Variants in DACH1 observed in about 807,000 individuals in gnomAD.
DACH1 encodes dachshund homolog 1.
A neutral mutation model predicts 54.2 loss-of-function variants in DACH1; 12 were observed. The ratio of observed to expected loss-of-function variants is 0.22; its 90% CI spans 0.14 to 0.36. DACH1 has a LOEUF of 0.36. Among genes scored for constraint, DACH1 ranks in the 10% least tolerant of loss-of-function variants. The pLI is 1.00. For missense variants in DACH1, 805 were observed against 929.8 expected (o/e 0.87, Z 1.75); for synonymous variants, 386 against 366.2 (o/e 1.05, Z -0.62).
At chr13:71,569,100 A>G (rs1214232584) in intron 4 of DACH1, among the ~76,000 whole-genome samples, 2 of 152,128 alleles carry the variant, frequency 1.3e-5, no homozygotes, top group Non-Finnish European at 2.9e-5. Context: ...CCATAGTGGG[A>G]AAGTCTTCAT....
rs939888014 is a variant in DACH1 at position 71,851,795 on chromosome 13, G to A, written c.848+14127C>T. Among the ~76,000 whole-genome samples the A allele has an allele frequency of 2.6e-5, 4 of 152,142 alleles. No individual in the cohort carries two copies. In the East Asian group the frequency reaches 5.8e-4, roughly 22 times the overall value. Reference sequence around the variant, plus strand: ...ACAGTCCTGCCATCAAGCACATGTTGTTACTATATAAAGAATACAAATTCA... The same window carrying A: ...ACAGTCCTGCCATCAAGCACATGTTATTACTATATAAAGAATACAAATTCA... On this transcript the variant is annotated intron_variant, in intron 1 of 10. Coordinates refer to ENST00000613252, the MANE Select transcript of DACH1 (RefSeq NM_080759.6).
chr13:71,855,539 A>G (rs1873948006), intron 1 of DACH1, among the ~76,000 whole-genome samples: 1 of 152,056 alleles, frequency 6.6e-6, no homozygotes, highest in Non-Finnish European at 1.5e-5. Flanking sequence ...GCAAACTACT[A>G]CACACCTAAA....
Position 71,668,101 on chromosome 13 carries a change from C to T in DACH1, c.964+13694G>A, listed in dbSNP as rs113360439. Among the ~76,000 whole-genome samples, 10 of 151,928 alleles carry T rather than the reference C, an allele frequency of 6.6e-5. 1 individual carries two copies. Among genetic ancestry groups the T allele is most frequent in the African/African-American group, 1.7e-4 (7 of 41,512 alleles). On this transcript the variant is annotated intron_variant, in intron 2 of 10. Transcript: ENST00000613252. ...GAAAATAGATGTTTTAATAGGAAAA[C>T]GAATAGGTCCAAAACTTGACTTTTA...
chr13:71,564,730 T>C (rs919680935), intron 4 of DACH1, among the ~76,000 whole-genome samples: 4 of 152,170 alleles, frequency 2.6e-5, no homozygotes, highest in African/African-American at 7.2e-5. Context: ...AAATGTATTA[T>C]ATTTTATCAA....
chr13:71,546,139 G>A (rs1883450018), intron 6 of DACH1, among the ~76,000 whole-genome samples: 1 of 152,028 alleles, frequency 6.6e-6, no homozygotes, highest in Non-Finnish European at 1.5e-5. Context: ...GCTTTCTAAA[G>A]TTTATATTGC....
At chr13:71,852,160 A>G (rs573415526) in intron 1 of DACH1, among the ~76,000 whole-genome samples, 1 of 152,298 alleles carries the variant, frequency 6.6e-6, no homozygotes, top group African/African-American at 2.4e-5. Context: ...ATAGCAATCC[A>G]TCATCCTGCA....
intron 3 of DACH1, among the ~76,000 whole-genome samples, chr13:71,582,225 C>T (rs1219150441): frequency 6.6e-6 from 1 of 152,152 alleles, no homozygotes; most frequent in Non-Finnish European, 1.5e-5. Context: ...TAGTTTAATA[C>T]AAGTTACACA....
chr13:71,866,749 C>A lies in DACH1; in HGVS notation c.21G>T (p.Leu7Phe). 1 of 1,398,364 alleles carries A rather than the reference C, an allele frequency of 7.2e-7. No homozygotes were observed. The highest frequency in any genetic ancestry group is 1.9e-5 in the South Asian group (1 of 52,326). The allele number at this position is 1,398,364 out of a possible 1,614,324, so 86.6% of individuals were successfully genotyped here. The change falls in exon 1 of 11, where the codon TTG becomes TTT. Residue 7 changes from leucine (L) to phenylalanine (F), a missense_variant. Transcript: ENST00000613252. Reference protein sequence around the residue: MAVPAALIPPTQLVPPQ... With the variant: MAVPAAFIPPTQLVPPQ... ...GGGGGACCAGCTGGGTCGGAGGGATCAAAGCCGCCGGCACTGCCATGGTCA... is the reference window on the plus strand; with the variant it reads ...GGGGGACCAGCTGGGTCGGAGGGATAAAAGCCGCCGGCACTGCCATGGTCA...
chr13:71,481,580 C>T (rs572279080), intron 7 of DACH1, among the ~76,000 whole-genome samples: 79 of 152,258 alleles, frequency 5.2e-4, no homozygotes, highest in African/African-American at 1.7e-3. Flanking sequence ...CCAATACTCT[C>T]TGGGACTACT....
chr13:71,677,610 G>A (rs895490575), intron 2 of DACH1, among the ~76,000 whole-genome samples: 3 of 151,888 alleles, frequency 2.0e-5, no homozygotes, highest in African/African-American at 7.3e-5. Flanking sequence ...TTTTTCCTAA[G>A]AAAACAAATG....
chr13:71,843,890 T>C (rs1046059215), intron 1 of DACH1, among the ~76,000 whole-genome samples: 1 of 152,178 alleles, frequency 6.6e-6, no homozygotes, highest in African/African-American at 2.4e-5. Context: ...CTAGGAACAT[T>C]TATTCCTTAT....
chr13:71,532,184 A>C (rs1407308400), intron 6 of DACH1, among the ~76,000 whole-genome samples: 1 of 151,976 alleles, frequency 6.6e-6, no homozygotes, highest in Non-Finnish European at 1.5e-5. Context: ...TTTTGAAAAG[A>C]TAATTTTAGC....
At position 71,866,062 on chromosome 13, in the gene DACH1, C is replaced by T. The variant is rs778633334; in HGVS notation, c.708G>A (p.Leu236=). 1.9e-6 allele frequency: 3 copies of T among 1,613,756 alleles called. No homozygotes were observed. The highest frequency in any genetic ancestry group is 2.7e-5 in the African/African-American group (2 of 74,848). The part of the protein sequence containing the change: ...LHTVYTKLKR[L]EITPVVCNVE... ...CATTGCACACCACCGGCGTGATCTCCAGCCGCTTCAGCTTGGTGTAGACCG... is the reference window on the plus strand; with the variant it reads ...CATTGCACACCACCGGCGTGATCTCTAGCCGCTTCAGCTTGGTGTAGACCG... The change falls in exon 1 of 11, where the codon CTG becomes CTA. Residue 236 remains leucine (L), a synonymous_variant. Coordinates refer to ENST00000613252, the MANE Select transcript of DACH1 (RefSeq NM_080759.6).
intron 1 of DACH1, among the ~76,000 whole-genome samples, chr13:71,740,153 T>G (rs1015096826): frequency 2.0e-5 from 3 of 152,196 alleles, no homozygotes; most frequent in Non-Finnish European, 4.4e-5. Flanking sequence ...ACTGTTGGAT[T>G]TATCCTTTGC....
At chr13:71,808,726 C>T (rs1205912568) in intron 1 of DACH1, among the ~76,000 whole-genome samples, 1 of 152,102 alleles carries the variant, frequency 6.6e-6, no homozygotes, top group Non-Finnish European at 1.5e-5. Flanking sequence ...ATTAGTTATT[C>T]AAGGTAAAAC....
intron 1 of DACH1, among the ~76,000 whole-genome samples, chr13:71,697,824 T>G (rs989110378): frequency 6.6e-6 from 1 of 152,184 alleles, no homozygotes; most frequent in African/African-American, 2.4e-5. Flanking sequence ...AAGGCTATAT[T>G]AATTTTAAAA....
chr13:71,599,857 A>ACG (rs1874374000), intron 3 of DACH1, among the ~76,000 whole-genome samples: 2 of 139,532 alleles, frequency 1.4e-5, no homozygotes, highest in South Asian at 2.3e-4. Flanking sequence ...ACACACACGC[A>ACG]CACACATAAG....
At chr13:71,654,399 T>G (rs1344710046) in intron 2 of DACH1, among the ~76,000 whole-genome samples, 2 of 50,140 alleles carry the variant, frequency 4.0e-5, no homozygotes, top group Admixed American at 4.9e-4. Flanking sequence ...CAAAATAAAA[T>G]AAAATAAAAT....
chr13:71,528,425 CTTT>C (rs71198120), intron 6 of DACH1, among the ~76,000 whole-genome samples: 2 of 111,118 alleles, frequency 1.8e-5, no homozygotes, highest in African/African-American at 3.4e-5. Flanking sequence ...AACAGATTTT[CTTT>C]TTTTTTTTTT....
Sources: allele counts gnomAD v4.1 joint callset (sites outside exome capture counted in the v4.1 genomes callset), GRCh38; gene constraint gnomAD v4.1.1; transcripts MANE v1.5; gene names NCBI Gene and HGNC (gene_info 2026-07-23, HGNC 2026-07-21).